The following DNAH9 variants were observed in gnomAD, a reference collection of about 807,000 sequenced individuals.
DNAH9 encodes the protein DNAH9 variant protein.
Under a neutral mutation model 471.6 loss-of-function variants are expected in DNAH9, and 345 were observed. That is an observed-to-expected ratio of 0.73 (90% CI 0.67 to 0.80). The LOEUF is 0.80. Ranked by LOEUF, DNAH9 falls within the 30% of genes least tolerant of loss-of-function variation. DNAH9 has a pLI of 0.00. For missense variants in DNAH9, 5,407 were observed against 5,609.2 expected (o/e 0.96, Z 1.15); for synonymous variants, 2,093 against 2,123.6 (o/e 0.99, Z 0.40).
At chr17:11,654,094 G>A (rs2073573378) in intron 14 of DNAH9, among the ~76,000 whole-genome samples, 1 of 66,908 alleles carries the variant, frequency 1.5e-5, no homozygotes, top group South Asian at 4.6e-4. Flanking sequence ...GGTGGCTCAC[G>A]CTTGTAATCC....
chr17:11,675,355 A>G (rs2074032985), intron 17 of DNAH9, among the ~76,000 whole-genome samples: 1 of 152,132 alleles, frequency 6.6e-6, no homozygotes, highest in South Asian at 2.1e-4. Flanking sequence ...TGGTGTTTGC[A>G]ACGTACATGG....
chr17:11,960,729 C>T (rs571726065), intron 67 of DNAH9, among the ~76,000 whole-genome samples: 9 of 147,412 alleles, frequency 6.1e-5, no homozygotes, highest in South Asian at 2.2e-4. Context: ...CCTGCACTCC[C>T]GCCTGGGTGA....
At chr17:11,609,370 A>G (rs2072579154) in intron 2 of DNAH9, among the ~76,000 whole-genome samples, 1 of 152,112 alleles carries the variant, frequency 6.6e-6, no homozygotes, top group Non-Finnish European at 1.5e-5. Flanking sequence ...AATTCAAACT[A>G]CCCCTTTTCT....
At chr17:11,820,828 T>C (rs1022759589) in intron 45 of DNAH9, among the ~76,000 whole-genome samples, 1 of 152,226 alleles carries the variant, frequency 6.6e-6, no homozygotes, top group Non-Finnish European at 1.5e-5. Context: ...ATTTTATGCA[T>C]TCATGAAATT....
rs748444210 is a variant in DNAH9, at chr17:11,962,342, G to A, written c.13233+86G>A. 8.1e-6 allele frequency: 12 copies of A among 1,479,062 alleles called. No homozygotes were observed. In the South Asian group the frequency reaches 1.4e-4, roughly 17 times the overall value. 91.6% of individuals were successfully genotyped at this position (1,479,062 alleles called of 1,614,324 possible). On this transcript the variant is annotated intron_variant, in intron 68 of 68. Transcript: ENST00000262442. This position sits in a 1 kb window ranked among gnomAD's most constrained non-coding sequence, Gnocchi z 4.1. ...CCTATGAAGTGTGACTACTAAAAGAGATATTCCTGAATCTTTTTCTCTAGC... is the reference window on the plus strand; with the variant it reads ...CCTATGAAGTGTGACTACTAAAAGAAATATTCCTGAATCTTTTTCTCTAGC...
intron 56 of DNAH9, 74 bp downstream of exon 56, chr17:11,883,824 A>G (rs1972802099): frequency 1.4e-6 from 2 of 1,480,894 alleles, no homozygotes; most frequent in African/African-American, 2.8e-5. Flanking sequence ...CCTCTTAGAC[A>G]ATGAGTCTGA....
At chr17:11,688,577 T>C (rs2074278712) in intron 19 of DNAH9, among the ~76,000 whole-genome samples, 1 of 152,142 alleles carries the variant, frequency 6.6e-6, no homozygotes, top group Admixed American at 6.5e-5. Flanking sequence ...AGCTTCACCA[T>C]GAATGATGAC....
At chr17:11,732,708 A>G (rs11870100) in intron 28 of DNAH9, among the ~76,000 whole-genome samples, 1 of 152,080 alleles carries the variant, frequency 6.6e-6, no homozygotes, top group African/African-American at 2.4e-5. Context: ...TTTCTGGAAT[A>G]TCTTCTTTAC....
At chr17:11,692,695 A>G (rs1298914447) in intron 20 of DNAH9, among the ~76,000 whole-genome samples, 1 of 151,154 alleles carries the variant, frequency 6.6e-6, no homozygotes, top group Non-Finnish European at 1.5e-5. Flanking sequence ...TTTTTCTCTC[A>G]TTCTTCCATG....
chr17:11,747,905 G>A, intron 32 of DNAH9, 139 bp downstream of exon 32: 1 of 774,282 alleles, frequency 1.3e-6, no homozygotes, highest in Non-Finnish European at 2.0e-6. Context: ...AAAAAAGCCA[G>A]TAGAAAGGGA....
At chr17:11,815,635 A>C (rs545250796) in intron 45 of DNAH9, among the ~76,000 whole-genome samples, 11 of 152,244 alleles carry the variant, frequency 7.2e-5, no homozygotes, top group South Asian at 4.2e-4. Context: ...TGAAAAGTAC[A>C]AAGAGTATCG....
chr17:11,702,051 G>A (rs766309251), intron 24 of DNAH9, among the ~76,000 whole-genome samples: 16 of 152,178 alleles, frequency 1.1e-4, no homozygotes, highest in Non-Finnish European at 1.6e-4. Flanking sequence ...GAGGTCTGGG[G>A]ACACGCCCCT....
At chr17:11,762,770 G>GTTTTTTTTTTTTTTTTTTTT (rs563544881) in intron 35 of DNAH9, among the ~76,000 whole-genome samples, 2 of 90,794 alleles carry the variant, frequency 2.2e-5, no homozygotes, top group Non-Finnish European at 4.4e-5. Flanking sequence ...TTTTTTTTTT[G>GTTTTTTTTTTTTTTTTTTTT]TTTTTTTTTT....
chr17:11,888,508 C>T (rs1972953490), intron 57 of DNAH9, among the ~76,000 whole-genome samples: 1 of 152,094 alleles, frequency 6.6e-6, no homozygotes, highest in Non-Finnish European at 1.5e-5. Flanking sequence ...AAATGAGGCC[C>T]ATGACAATCT....
intron 26 of DNAH9, among the ~76,000 whole-genome samples, chr17:11,714,268 A>G (rs7216341): frequency 0.95 from 144,350 of 152,280 alleles, 68,638 homozygotes; most frequent in Non-Finnish European, 0.99. Flanking sequence ...ATGTATCCAA[A>G]TGGTTGGAAG....
chr17:11,947,030 C>T (rs533284755), intron 67 of DNAH9, among the ~76,000 whole-genome samples: 7 of 152,284 alleles, frequency 4.6e-5, no homozygotes, highest in African/African-American at 1.2e-4. Context: ...TACTGAAAAG[C>T]ACAGCAATGA....
intron 61 of DNAH9, among the ~76,000 whole-genome samples, chr17:11,910,388 T>C (rs1973754816): frequency 6.6e-6 from 1 of 152,232 alleles, no homozygotes; most frequent in African/African-American, 2.4e-5. Context: ...GTATCAGAAC[T>C]ACATTCTTTC....
At chr17:11,869,604 A>G (rs1342399254) in intron 51 of DNAH9, among the ~76,000 whole-genome samples, 1 of 152,162 alleles carries the variant, frequency 6.6e-6, no homozygotes, top group Non-Finnish European at 1.5e-5. Flanking sequence ...TCTATGTAAC[A>G]TTTCATTATA....
intron 67 of DNAH9, among the ~76,000 whole-genome samples, chr17:11,945,824 C>T (rs867172602): frequency 4.6e-5 from 7 of 151,754 alleles, no homozygotes; most frequent in South Asian, 4.2e-4. Context: ...TTTGGGAGGC[C>T]GAGGCAGCTG....
Sources: gnomAD v4.1 joint callset for allele counts (sites outside exome capture counted in the v4.1 genomes callset) on GRCh38, gnomAD v4.1.1 for gene constraint, Gnocchi (gnomAD v3.1) non-coding constraint, MANE v1.5 for transcripts, NCBI Gene and HGNC (gene_info 2026-07-23, HGNC 2026-07-21) for gene names.